The following DPH6 variants were observed in gnomAD, a reference collection of about 807,000 sequenced individuals.
DPH6 encodes diphthine--ammonia ligase.
DPH6 carries 33 observed loss-of-function variants against 38.2 expected under a neutral mutation model. The observed-to-expected ratio is 0.86, with a 90% CI of 0.65 to 1.15. DPH6 has a LOEUF of 1.15. DPH6 is among the 50% of genes most tolerant of loss of function. The pLI is 0.00. For synonymous variants in DPH6, 108 were observed against 103.0 expected (o/e 1.05, Z -0.30); for missense variants, 325 against 320.0 (o/e 1.02, Z -0.12).
In DPH6 at chr15:35,360,707, C is replaced by T. The variant is rs150622824; in HGVS notation, n.207+12814G>A. ...ATTGGGGGCATAGATGGGTGTATCT[C>T]CCAGAGGGTCCCTGGGATGGCAGGA... On this transcript the variant is annotated intron_variant and non_coding_transcript_variant, in intron 3 of 3. Transcript: ENST00000558973. 2.7e-3 allele frequency among the ~76,000 whole-genome samples: 408 copies of T among 152,230 alleles called. 1 individual carries two copies. Among genetic ancestry groups the T allele is most frequent in the African/African-American group, 9.0e-3 (375 of 41,538 alleles).
the DPH6 span, among the ~76,000 whole-genome samples, chr15:35,190,665 A>C: frequency 6.6e-6 from 1 of 152,310 alleles, no homozygotes; most frequent in African/African-American, 2.4e-5. Flanking sequence ...TCTTGTAGCT[A>C]AATTGTTGCT....
the DPH6 span, among the ~76,000 whole-genome samples, chr15:35,204,091 T>C: frequency 7.9e-5 from 12 of 151,904 alleles, no homozygotes; most frequent in African/African-American, 2.9e-4. Context: ...TCTCTGATTT[T>C]ACATTTGGCA....
chr15:35,492,419 A>C (rs1376380623), intron 3 of DPH6, among the ~76,000 whole-genome samples: 4 of 152,206 alleles, frequency 2.6e-5, no homozygotes, highest in Non-Finnish European at 5.9e-5. Context: ...CAGCCATGAG[A>C]ATATCTACCA....
intron 3 of DPH6, among the ~76,000 whole-genome samples, chr15:35,335,608 T>C (rs1433640767): frequency 6.6e-6 from 1 of 152,184 alleles, no homozygotes; most frequent in Non-Finnish European, 1.5e-5. Context: ...ATTTTCTGCA[T>C]ATGGCTAGCC....
chr15:35,533,629 T>G (rs1366830664), intron 3 of DPH6, among the ~76,000 whole-genome samples: 1 of 151,694 alleles, frequency 6.6e-6, no homozygotes, highest in Non-Finnish European at 1.5e-5. Flanking sequence ...TTTAGATTGC[T>G]GTCAATAATA....
intron 3 of DPH6, among the ~76,000 whole-genome samples, chr15:35,343,238 T>G (rs2052436210): frequency 6.6e-6 from 1 of 152,190 alleles, no homozygotes; most frequent in South Asian, 2.1e-4. Flanking sequence ...TATTTGTGCC[T>G]TAATTCTTAA....
At chr15:35,193,250 A>G in the DPH6 span, among the ~76,000 whole-genome samples, 7 of 152,114 alleles carry the variant, frequency 4.6e-5, no homozygotes, top group African/African-American at 1.7e-4. Context: ...AGAACAATGC[A>G]AAGGCAGAGA....
At chr15:35,262,173 T>C (rs1487518360) in intron 3 of DPH6, among the ~76,000 whole-genome samples, 1 of 152,184 alleles carries the variant, frequency 6.6e-6, no homozygotes, top group African/African-American at 2.4e-5. Flanking sequence ...CTTTTTTTCC[T>C]ATTTCATTAA....
chr15:35,545,954 G>A (rs528966890), intron 1 of DPH6, among the ~76,000 whole-genome samples, 165 bp downstream of exon 1: 43 of 149,416 alleles, frequency 2.9e-4, no homozygotes, highest in African/African-American at 1.0e-3. Context: ...AGGCACATGC[G>A]GGCCGGCAAC....
chr15:35,159,835 A>T, the DPH6 span, among the ~76,000 whole-genome samples: 3 of 152,116 alleles, frequency 2.0e-5, no homozygotes, highest in Admixed American at 2.0e-4. Flanking sequence ...GGATAGAGAA[A>T]ATGTGGTATA....
intron 6 of DPH6, among the ~76,000 whole-genome samples, chr15:35,405,569 C>G (rs2053280680): frequency 6.6e-6 from 1 of 152,094 alleles, no homozygotes; most frequent in East Asian, 1.9e-4. Context: ...CACAACTTTA[C>G]TGAACTTGTT....
At chr15:35,148,266 T>C in the DPH6 span, among the ~76,000 whole-genome samples, 81 of 152,346 alleles carry the variant, frequency 5.3e-4, 1 homozygote, top group Admixed American at 5.3e-3. Flanking sequence ...ACTCACAAGC[T>C]ACAAGACTGT....
At position 35,281,101 on chromosome 15, in the gene DPH6, C is replaced by T. The variant is rs59043419; in HGVS notation, n.201-60519G>A. Among the ~76,000 whole-genome samples, 3,140 of 151,884 alleles carry T rather than the reference C, an allele frequency of 0.021. 298 individuals carry two copies. The East Asian group carries it at 0.32, about 15-fold the overall frequency. On this transcript the variant is annotated intron_variant and non_coding_transcript_variant, in intron 3 of 3. Coordinates refer to the DPH6 transcript ENST00000560386. The stretch of plus-strand genomic sequence containing the variant: ...GTATATCTCCTAATGCTATCTCTCC[C>T]CCCTCCCCCCACAAATATGATATTA...
intron 3 of DPH6, among the ~76,000 whole-genome samples, chr15:35,305,535 C>T (rs1186900385): frequency 6.6e-6 from 1 of 152,010 alleles, no homozygotes; most frequent in Non-Finnish European, 1.5e-5. Flanking sequence ...GACTTGAGAT[C>T]TACCATCTCT....
chr15:35,423,597 T>C (rs569278702), intron 5 of DPH6, among the ~76,000 whole-genome samples: 1,988 of 130,884 alleles, frequency 0.015, 26 homozygotes, highest in Non-Finnish European at 0.022. Context: ...TTTGGTGTCA[T>C]ATAAAAAAAA....
chr15:35,273,457 GTC>G (rs2051836800), intron 3 of DPH6, among the ~76,000 whole-genome samples: 2 of 152,110 alleles, frequency 1.3e-5, no homozygotes, highest in Non-Finnish European at 2.9e-5. Context: ...AAGTCAAATT[GTC>G]TGTTTGCGGA....
chr15:35,255,209 A>G (rs550735960), intron 3 of DPH6, among the ~76,000 whole-genome samples: 29 of 152,324 alleles, frequency 1.9e-4, no homozygotes, highest in African/African-American at 7.0e-4. Context: ...CCGAAGAACC[A>G]TTATGACGAC....
At chr15:35,495,473 C>T (rs1008078378) in intron 3 of DPH6, among the ~76,000 whole-genome samples, 3 of 152,008 alleles carry the variant, frequency 2.0e-5, no homozygotes, top group African/African-American at 7.3e-5. Context: ...GTTATGGTAG[C>T]CCTAGCAAAT....
At chr15:35,457,529 C>A (rs951994143) in intron 3 of DPH6, among the ~76,000 whole-genome samples, 1 of 152,038 alleles carries the variant, frequency 6.6e-6, no homozygotes, top group Non-Finnish European at 1.5e-5. Context: ...AACTCCTGAC[C>A]TTAAGTGATT....
Sources: gnomAD v4.1 joint callset for allele counts (sites outside exome capture counted in the v4.1 genomes callset) on GRCh38, gnomAD v4.1.1 for gene constraint, MANE v1.5 for transcripts, NCBI Gene and HGNC (gene_info 2026-07-23, HGNC 2026-07-21) for gene names.